The following GPR137 variants were observed in gnomAD, a reference collection of about 807,000 sequenced individuals.
GPR137 encodes the protein G protein-coupled receptor 137.
GPR137 carries 20 observed loss-of-function variants against 38.9 expected under a neutral mutation model. The ratio of observed to expected loss-of-function variants is 0.51; its 90% CI spans 0.36 to 0.75. The LOEUF is 0.75. Ranked by LOEUF, GPR137 falls within the 30% of genes least tolerant of loss-of-function variation. The pLI is 0.00. For missense variants in GPR137, 456 were observed against 526.4 expected (o/e 0.87, Z 1.31); for synonymous variants, 226 against 235.8 (o/e 0.96, Z 0.38).
upstream of GPR137, chr11:64,285,098 G>A: frequency 9.4e-7 from 1 of 1,066,338 alleles, no homozygotes; most frequent in Non-Finnish European, 1.1e-6. Flanking sequence ...CACAACTGAA[G>A]CTCAGCCGTC....
chr11:64,286,621 C>T lies in GPR137; in HGVS notation c.97C>T (p.Leu33=), dbSNP rs1199937478. Residue 33 remains leucine (L), a synonymous_variant, in exon 1 of 7, where the codon CTG becomes TTG. Coordinates refer to ENST00000438980, the MANE Select transcript of GPR137 (RefSeq NM_001170880.2). ...TLGLTAAYTT[L]YALLFFSVYA... Reference sequence around the variant, plus strand: ...GGGGCTGACAGCTGCCTACACCACCCTGTATGCCCTGCTCTTCTTCTCCGT... The same window carrying T: ...GGGGCTGACAGCTGCCTACACCACCTTGTATGCCCTGCTCTTCTTCTCCGT... 1 of 1,614,090 alleles carries T rather than the reference C, an allele frequency of 6.2e-7. No individual in the cohort carries two copies. Among genetic ancestry groups the T allele is most frequent in the Non-Finnish European group, 8.5e-7 (1 of 1,179,994 alleles).
chr11:64,283,643 T>A (rs2033632814), upstream of GPR137, among the ~76,000 whole-genome samples: 1 of 152,224 alleles, frequency 6.6e-6, no homozygotes, highest in Non-Finnish European at 1.5e-5. Flanking sequence ...GGAAAGCATG[T>A]AGCCTGGGGC....
At chr11:64,284,794 G>A, upstream of GPR137, 3 of 1,520,218 alleles carry the variant, frequency 2.0e-6, no homozygotes, top group South Asian at 1.2e-5. Context: ...AACCCGGCCC[G>A]GCCCCGCCCC....
chr11:64,289,414 G>A lies in GPR137; in HGVS notation c.*218G>A, dbSNP rs1398512475. 6.5e-7 allele frequency: 1 copy of A among 1,532,540 alleles called. No homozygotes were observed. The highest frequency in any genetic ancestry group is 2.3e-5 in the East Asian group (1 of 44,230). 94.9% of individuals were successfully genotyped at this position (1,532,540 alleles called of 1,614,324 possible). ...CCAGATGCCCACAGCACCCTGGCAT[G>A]ACCTGCCACCTCTGCTTCCACACCG... On this transcript the variant is annotated 3_prime_UTR_variant, in exon 7 of 7. Transcript: ENST00000438980.
At chr11:64,281,383 G>A (rs1467786842), upstream of GPR137, among the ~76,000 whole-genome samples, 1 of 152,208 alleles carries the variant, frequency 6.6e-6, no homozygotes, top group Non-Finnish European at 1.5e-5. Context: ...CCAGGGATCA[G>A]CTACTTCTCA....
rs2034460851 is a variant in GPR137, at chr11:64,288,875, C to T, written c.1031+154C>T. 1 of 985,228 alleles carries T rather than the reference C, an allele frequency of 1.0e-6. No homozygotes were observed. The allele number at this position is 985,228 out of a possible 1,614,324, so 61.0% of individuals were successfully genotyped here. Reference sequence around the variant, plus strand: ...TGTACTAGGTGAGGTCCCCTGGGTTCCTATTGCTAAAGCCTCCACCTCTTG... The same window carrying T: ...TGTACTAGGTGAGGTCCCCTGGGTTTCTATTGCTAAAGCCTCCACCTCTTG... On this transcript the variant is annotated intron_variant, in intron 6 of 6. Transcript: ENST00000438980. The surrounding 1 kb of genome is among the most constrained non-coding windows in gnomAD (Gnocchi z 5.5).
chr11:64,285,806 G>A (rs906065972), upstream of GPR137: 1 of 985,334 alleles, frequency 1.0e-6, no homozygotes, highest in African/African-American at 1.7e-5. Flanking sequence ...CGCAATTTGC[G>A]TAGCGAACGG....
chr11:64,287,429 G>A (rs1217956049), intron 2 of GPR137: 7 of 702,166 alleles, frequency 1.0e-5, no homozygotes, highest in Non-Finnish European at 1.1e-5. Context: ...ATCCTCCCTT[G>A]AGAGATGAAG....
upstream of GPR137, chr11:64,285,105 C>A (rs978965676): frequency 8.5e-6 from 9 of 1,054,378 alleles, no homozygotes; most frequent in South Asian, 2.6e-4. Flanking sequence ...GAAGCTCAGC[C>A]GTCGGATGTG....
At chr11:64,285,055 G>T, upstream of GPR137, 1 of 1,116,406 alleles carries the variant, frequency 9.0e-7, no homozygotes, top group Non-Finnish European at 1.1e-6. Context: ...TGTGAAGGGA[G>T]TGATTACTGC....
Position 64,288,853 on chromosome 11 carries a change from A to C in GPR137, c.1031+132A>C, listed in dbSNP as rs1055952396. 6.9e-7 allele frequency: 1 copy of C among 1,440,670 alleles called. No individual in the cohort carries two copies. Among genetic ancestry groups the C allele is most frequent in the Non-Finnish European group, 9.1e-7 (1 of 1,103,180 alleles). 89.2% of individuals were successfully genotyped at this position (1,440,670 alleles called of 1,614,324 possible). ...CCATGGCCTTTGCTTCCCCATCTGT[A>C]CTAGGTGAGGTCCCCTGGGTTCCTA... On this transcript the variant is annotated intron_variant, in intron 6 of 6. Coordinates refer to ENST00000438980, the MANE Select transcript of GPR137 (RefSeq NM_001170880.2). The surrounding 1 kb of genome is among the most constrained non-coding windows in gnomAD (Gnocchi z 5.5).
In GPR137 at chr11:64,286,090, G is replaced by A. The variant is rs2033984449; in HGVS notation, c.-435G>A. The A allele has an allele frequency of 1.1e-5, 11 of 996,568 alleles. No homozygotes were observed. The highest frequency in any genetic ancestry group is 1.3e-5 in the Non-Finnish European group (11 of 837,708). 61.7% of individuals were successfully genotyped at this position (996,568 alleles called of 1,614,324 possible). A position where few individuals can be genotyped will look rare whatever the true frequency, so the allele number is the denominator to read the frequency against. On this transcript the variant is annotated 5_prime_UTR_variant, in exon 1 of 7. Transcript: ENST00000438980. ...CCCCAGCTTGGGGAGGGGGAGAGCG[G>A]GGCATTGGGCGCCCCTCGCAGCGGC...
chr11:64,287,181 C>G (rs1037197550), intron 2 of GPR137, 167 bp downstream of exon 2: 4 of 985,202 alleles, frequency 4.1e-6, no homozygotes, highest in Non-Finnish European at 4.8e-6. Flanking sequence ...TCAGCAGAGG[C>G]CTTGCAGATC....
chr11:64,283,124 G>A (rs1591181080), upstream of GPR137, among the ~76,000 whole-genome samples: 1 of 152,178 alleles, frequency 6.6e-6, no homozygotes, highest in East Asian at 1.9e-4. Flanking sequence ...TCGAGTGTGG[G>A]TGTTTATCCG....
intron 2 of GPR137, among the ~76,000 whole-genome samples, chr11:64,278,105 C>T (rs761224288): frequency 7.2e-5 from 11 of 152,052 alleles, no homozygotes; most frequent in Non-Finnish European, 1.3e-4. Context: ...CTGAGCAACA[C>T]AGAAAGACCC....
At chr11:64,284,918 C>T (rs1010499352), upstream of GPR137, 34 of 1,416,458 alleles carry the variant, frequency 2.4e-5, no homozygotes, top group Non-Finnish European at 3.0e-5. Context: ...GAGAGGGATT[C>T]TCTGGGGTCC....
At position 64,286,719 on chromosome 11, in the gene GPR137, C is replaced by CT; in HGVS notation, c.196dup (p.Cys66LeufsTer140). On this transcript the variant is annotated frameshift_variant, in exon 1 of 7. Transcript: ENST00000438980. LOFTEE classifies it high-confidence loss of function. ...GCTATCAGACGGTGTTCCTGGCCCT[C>CT]TGTCTGCTCTGGGCCGCCTTGCGTA... 1 of 1,613,744 alleles carries CT rather than the reference C, an allele frequency of 6.2e-7. No homozygotes were observed. Among genetic ancestry groups the CT allele is most frequent in the Non-Finnish European group, 8.5e-7 (1 of 1,179,748 alleles).
chr11:64,270,603 G>C (rs1299778809), exon 1 of GPR137: 1 of 680,588 alleles, frequency 1.5e-6, no homozygotes, highest in African/African-American at 1.8e-5. Flanking sequence ...GCCAGAGCTG[G>C]AGACCTAGCA....
upstream of GPR137, chr11:64,284,902 G>A (rs2033783898): frequency 7.0e-6 from 10 of 1,432,516 alleles, no homozygotes; most frequent in Non-Finnish European, 9.1e-6. Flanking sequence ...GCGTGTGTGG[G>A]AGCAGGAGAG....
Sources: gnomAD v4.1 joint callset for allele counts (sites outside exome capture counted in the v4.1 genomes callset) on GRCh38, gnomAD v4.1.1 for gene constraint, Gnocchi (gnomAD v3.1) non-coding constraint, MANE v1.5 for transcripts, NCBI Gene and HGNC (gene_info 2026-07-23, HGNC 2026-07-21) for gene names.